SNAPC4: variants seen among roughly 807,000 people sequenced by gnomAD.
The protein encoded by SNAPC4 is small nuclear RNA activating complex polypeptide 4.
In SNAPC4, 127 loss-of-function variants were observed where a neutral mutation model predicts 151.3. The ratio of observed to expected loss-of-function variants is 0.84; its 90% CI spans 0.73 to 0.97. The LOEUF is 0.97. Among genes scored for constraint, SNAPC4 ranks in the 50% least tolerant of loss-of-function variants. The probability of loss-of-function intolerance (pLI) is 0.00; values close to 1 mark genes in which losing one functional copy is unlikely to be tolerated. For missense variants in SNAPC4, 2,186 were observed against 1,935.0 expected (o/e 1.13, Z -2.43); for synonymous variants, 1,002 against 824.4 (o/e 1.22, Z -3.69).
At chr9:136,385,381 A>G (rs923951150) in intron 13 of SNAPC4, among the ~76,000 whole-genome samples, 2 of 152,214 alleles carry the variant, frequency 1.3e-5, no homozygotes, top group Non-Finnish European at 2.9e-5. Flanking sequence ...CCATTCCTCA[A>G]AAGGTTAAAC....
chr9:136,384,011 G>A lies in SNAPC4; in HGVS notation c.1442C>T (p.Ser481Phe). 6.2e-7 allele frequency: 1 copy of A among 1,613,750 alleles called. No homozygotes were observed. The change falls in exon 15 of 24, where the codon TCT becomes TTT. Residue 481 changes from serine to phenylalanine, a missense_variant. By Grantham distance (155) the Ser-to-Phe change is radical (BLOSUM62 -2). Coordinates refer to ENST00000684778, the MANE Select transcript of SNAPC4 (RefSeq NM_003086.4). ...YGVGHWAKIA[S>F]ELPHRSGSQC... is the part of the protein sequence containing the mutation. ...GGAGCCAGACCGATGGGGCAGCTCA[G>A]AAGCTATTTTTGCCCAGTGACCTGC...
In SNAPC4 at chr9:136,377,622, T is replaced by C. The variant is rs758864077; in HGVS notation, c.4205A>G (p.Asp1402Gly). ...VPSRVGSESE[D>G]EDLLSELELA... ...TTCCAGCTCACTCAGGAGGTCTTCA[T>C]CCTCACTCTCAGAGCCCACCCTCGA... The change falls in exon 22 of 24, where the codon GAT (aspartate) becomes GGT (glycine). Residue 1402 changes from aspartate to glycine, a missense_variant. Coordinates refer to ENST00000684778, the MANE Select transcript of SNAPC4 (RefSeq NM_003086.4). 4 of 1,571,114 alleles carry C rather than the reference T, an allele frequency of 2.5e-6. No individual in the cohort carries two copies. Among genetic ancestry groups the C allele is most frequent in the Non-Finnish European group, 2.6e-6 (3 of 1,156,950 alleles).
intron 7 of SNAPC4, among the ~76,000 whole-genome samples, chr9:136,394,021 G>A (rs920494765): frequency 2.0e-5 from 3 of 152,194 alleles, no homozygotes; most frequent in African/African-American, 4.8e-5. Flanking sequence ...GGGATCAATC[G>A]ATCCTCCCAC....
intron 19 of SNAPC4, 42 bp downstream of exon 19, chr9:136,381,280 T>G (rs1302541900): frequency 1.9e-6 from 3 of 1,539,924 alleles, no homozygotes; most frequent in Non-Finnish European, 2.7e-6. Context: ...CAAAAACTTT[T>G]TACAAGGCAA....
In SNAPC4 at chr9:136,378,864, G is replaced by A. The variant is rs1465460827; in HGVS notation, c.2963C>T (p.Pro988Leu). The A allele has an allele frequency of 2.5e-6, 4 of 1,610,018 alleles. No individual in the cohort carries two copies. The highest frequency in any genetic ancestry group is 3.4e-6 in the Non-Finnish European group (4 of 1,178,906). ...DKRLSTMQAL[P>L]LAPVFSEAEG... The stretch of plus-strand genomic sequence containing the variant: ...GGCCTCTGAGAAGACAGGAGCGAGG[G>A]GCAGGGCTTGCATGGTGGAGAGTCT... The change falls in exon 22 of 24, where the codon CCC (proline) becomes CTC (leucine). Residue 988 changes from proline (P) to leucine (L), a missense_variant. Physicochemically the swap from Pro to Leu is moderately conservative, Grantham distance 98. Transcript: ENST00000684778.
rs1197120129 is a variant in SNAPC4 at position 136,392,505 on chromosome 9, A to ACCTGCC, written c.810+11_810+16dup. 3 of 1,612,410 alleles carry ACCTGCC rather than the reference A, an allele frequency of 1.9e-6. No individual in the cohort carries two copies. The highest frequency in any genetic ancestry group is 2.5e-6 in the Non-Finnish European group (3 of 1,179,158). On this transcript the variant is annotated intron_variant, in intron 9 of 23. Transcript: ENST00000684778. ...GTGCTCCAAGCTGCTTGGGGCTCAG[A>ACCTGCC]CCTGCCCCTGACTTACGTTAATATT...
At chr9:136,385,011 C>T (rs1230769838) in intron 13 of SNAPC4, among the ~76,000 whole-genome samples, 197 bp from the exon 14 acceptor site, 1 of 152,224 alleles carries the variant, frequency 6.6e-6, no homozygotes, top group Non-Finnish European at 1.5e-5. Context: ...AGAAAGTGTA[C>T]AGGCTGGGAG....
rs779423902 is a variant in SNAPC4 at position 136,383,401 on chromosome 9, A to T, written c.1768T>A (p.Trp590Arg). Residue 590 changes from tryptophan to arginine, a missense_variant, in exon 16 of 24, where the codon TGG becomes AGG. Transcript: ENST00000684778. This position sits in a 1 kb window ranked among gnomAD's most constrained non-coding sequence, Gnocchi z 4.2. The stretch of plus-strand genomic sequence containing the variant: ...AGGGAGGCAGCGGGGCCTCCCAGCC[A>T]GGCCCCTGCCCCTCCTCTCCATGGC... ...SQPWRGGAGA[W>R]LGGPAASLSP... 6.3e-7 allele frequency: 1 copy of T among 1,576,640 alleles called. No homozygotes were observed. The highest frequency in any genetic ancestry group is 1.8e-5 in the Admixed American group (1 of 54,730).
chr9:136,397,674 G>A (rs1346013993), intron 2 of SNAPC4, among the ~76,000 whole-genome samples: 1 of 118,128 alleles, frequency 8.5e-6, no homozygotes, highest in East Asian at 2.9e-4. Context: ...AGCACGTGGG[G>A]AGGGGAGCAC....
In SNAPC4 at chr9:136,379,879, G is replaced by A. The variant is rs545344457; in HGVS notation, c.2500-15C>T. ...CTTGAGGATGCCTGGAAATGAAAGA[G>A]AGGAGAGTCAGCAGCTCAGGTGTCC... On this transcript the variant is annotated splice_polypyrimidine_tract_variant and intron_variant, in intron 20 of 23. Transcript: ENST00000684778. The A allele has an allele frequency of 6.2e-7, 1 of 1,611,946 alleles. No individual in the cohort carries two copies. The highest frequency in any genetic ancestry group is 1.1e-5 in the South Asian group (1 of 90,648).
At chr9:136,391,575 G>C (rs1440458171) in intron 10 of SNAPC4, among the ~76,000 whole-genome samples, 1 of 152,334 alleles carries the variant, frequency 6.6e-6, no homozygotes, top group East Asian at 1.9e-4. Context: ...CAGGAAACCA[G>C]AAAAGCGGCA....
intron 20 of SNAPC4, 27 bp from the exon 21 acceptor site, chr9:136,379,891 C>T (rs768008972): frequency 3.7e-6 from 6 of 1,608,172 alleles, no homozygotes; most frequent in East Asian, 4.5e-5. Context: ...GGAGAGTCAG[C>T]AGCTCAGGTG....
Position 136,377,657 on chromosome 9 carries a change from G to C in SNAPC4, c.4170C>G (p.Leu1390=), listed in dbSNP as rs1247591417. 2 of 1,604,022 alleles carry C rather than the reference G, an allele frequency of 1.2e-6. No individual in the cohort carries two copies. Among genetic ancestry groups the C allele is most frequent in the African/African-American group, 2.7e-5 (2 of 74,848 alleles). The change falls in exon 22 of 24, where the codon CTC becomes CTG. Residue 1390 remains leucine, a synonymous_variant. Coordinates refer to ENST00000684778, the MANE Select transcript of SNAPC4 (RefSeq NM_003086.4). ...CAGAGCCCACCCTCGAAGGTACTGA[G>C]AGGGTGGTGCGGACGCCTTGGGGGG... ...TLAPQGVRTT[L]SVPSRVGSES... is the part of the protein sequence containing the mutation.
chr9:136,390,980 GCC>G (rs1834053472), intron 10 of SNAPC4, among the ~76,000 whole-genome samples: 1 of 152,002 alleles, frequency 6.6e-6, no homozygotes, highest in African/African-American at 2.4e-5. Context: ...GACTACAGAT[GCC>G]CGCCACCACG....
At position 136,387,498 on chromosome 9, in the gene SNAPC4, G is replaced by T. The variant is rs751098660; in HGVS notation, c.1312C>A (p.Gln438Lys). ...TGTGCGACTCACCGATCTCGGCACT[G>T]GGCATCGCTCCTACCTGGCACCTCT... Reference protein sequence around the residue: ...REEVPGRSDAQCRDRYLRRLH... With the variant: ...REEVPGRSDAKCRDRYLRRLH... The change falls in exon 13 of 24, where the codon CAG becomes AAG. Residue 438 changes from glutamine to lysine, a missense_variant. Coordinates refer to ENST00000684778, the MANE Select transcript of SNAPC4 (RefSeq NM_003086.4). 5.0e-6 allele frequency: 8 copies of T among 1,612,136 alleles called. No homozygotes were observed. Among genetic ancestry groups the T allele is most frequent in the African/African-American group, 1.3e-5 (1 of 75,000 alleles).
intron 5 of SNAPC4, 72 bp downstream of exon 5, chr9:136,395,226 C>T: frequency 1.3e-6 from 2 of 1,549,830 alleles, no homozygotes; most frequent in Admixed American, 1.9e-5. Context: ...CTCCCTGCAG[C>T]AGGACTTGGG....
At position 136,392,082 on chromosome 9, in the gene SNAPC4, C is replaced by G. The variant is rs769494504; in HGVS notation, c.835G>C (p.Glu279Gln). Residue 279 changes from glutamate to glutamine, a missense_variant, in exon 10 of 24, where the codon GAG (glutamate) becomes CAG (glutamine). By Grantham distance (29) the Glu-to-Gln change is conservative. Coordinates refer to ENST00000684778, the MANE Select transcript of SNAPC4 (RefSeq NM_003086.4). ...GAGTTCTGCCAGAACTTCCGGATCT[C>G]CTCTGCACTGCGGCTGCCTTCAAAC... is the stretch of plus-strand genomic sequence containing the variant. ...INFEGSRSAE[E>Q]IRKFWQNSEH... 4.3e-6 allele frequency: 7 copies of G among 1,612,620 alleles called. No individual in the cohort carries two copies. Among genetic ancestry groups the G allele is most frequent in the Non-Finnish European group, 5.1e-6 (6 of 1,180,000 alleles).
chr9:136,392,832 C>A (rs1296316144), intron 7 of SNAPC4, 55 bp from the exon 8 acceptor site: 1 of 1,444,430 alleles, frequency 6.9e-7, no homozygotes, highest in South Asian at 1.1e-5. Context: ...CGGGGCGGGG[C>A]AGGTTCTCTG....
At position 136,378,719 on chromosome 9, in the gene SNAPC4, G is replaced by A; in HGVS notation, c.3108C>T (p.Gly1036=). The A allele has an allele frequency of 6.7e-7, 1 of 1,503,720 alleles. No individual in the cohort carries two copies. Among genetic ancestry groups the A allele is most frequent in the Non-Finnish European group, 8.9e-7 (1 of 1,126,258 alleles). The allele number at this position is 1,503,720 out of a possible 1,614,324, so 93.1% of individuals were successfully genotyped here. A position where few individuals can be genotyped will look rare whatever the true frequency, so the allele number is the denominator to read the frequency against. ...SQAPAASRKQ[G]LPEAPPFLPA... is the part of the protein sequence containing the mutation. ...GGAGAAAGGGTGGCGCCTCAGGCAGGCCCTGCTTCCGGGATGCAGCGGGGG... is the reference window on the plus strand; with the variant it reads ...GGAGAAAGGGTGGCGCCTCAGGCAGACCCTGCTTCCGGGATGCAGCGGGGG... The change falls in exon 22 of 24, where the codon GGC becomes GGT. Residue 1036 remains glycine, a synonymous_variant. Coordinates refer to ENST00000684778, the MANE Select transcript of SNAPC4 (RefSeq NM_003086.4).
Sources: allele counts gnomAD v4.1 joint callset (sites outside exome capture counted in the v4.1 genomes callset), GRCh38; gene constraint gnomAD v4.1.1; non-coding constraint Gnocchi (gnomAD v3.1); transcripts MANE v1.5; gene names NCBI Gene and HGNC (gene_info 2026-07-23, HGNC 2026-07-21).